The following ADGRG2 variants were observed in gnomAD, a reference collection of about 807,000 sequenced individuals.
ADGRG2 encodes G protein-coupled receptor 64.
In ADGRG2, 26 loss-of-function variants were observed where a neutral mutation model predicts 74.1. The ratio of observed to expected loss-of-function variants is 0.35; its 90% CI spans 0.26 to 0.49. The LOEUF is 0.49. Ranked by LOEUF, ADGRG2 falls within the 20% of genes least tolerant of loss-of-function variation. ADGRG2 has a pLI of 0.99. For synonymous variants in ADGRG2, 296 were observed against 295.2 expected, an observed-to-expected ratio of 1.00 and a Z score of -0.03; for missense variants, 619 against 763.1, an observed-to-expected ratio of 0.81 and a Z score of 2.22.
chrX:19,105,927 C>CAAAAAAAAAA (rs748026875), intron 1 of ADGRG2, among the ~76,000 whole-genome samples: 4 of 29,983 alleles, frequency 1.3e-4, no homozygotes, highest in African/African-American at 3.8e-4. Context: ...GACTCTGTCT[C>CAAAAAAAAAA]AAAAAAAAAA....
Position 19,004,873 on chromosome X carries a change from A to T in ADGRG2, c.1846T>A (p.Ser616Thr). The T allele has an allele frequency of 8.5e-7, 1 of 1,181,565 alleles. No individual in the cohort carries two copies. The highest frequency in any genetic ancestry group is 3.0e-5 in the East Asian group (1 of 33,664). ...TGAGCAGGCAGCACAGATGTCCTAG[A>T]TAGGTCCTGGAAAATGAAATATTGC... is the stretch of plus-strand genomic sequence containing the variant. The part of the protein sequence containing the change: ...LTSFGVLLDL[S>T]RTSVLPAQMM... The change falls in exon 23 of 29, where the codon TCT becomes ACT. Residue 616 changes from serine to threonine, a missense_variant. Physicochemically the swap from Ser to Thr is moderately conservative, Grantham distance 58. Coordinates refer to ENST00000379869, the MANE Select transcript of ADGRG2 (RefSeq NM_001079858.3).
chrX:19,011,663 G>A lies in ADGRG2; in HGVS notation c.1100-885C>T, dbSNP rs778803519. On this transcript the variant is annotated intron_variant, in intron 16 of 28. Coordinates refer to ENST00000379869, the MANE Select transcript of ADGRG2 (RefSeq NM_001079858.3). Reference sequence around the variant, plus strand: ...TCTAGACCAGCCTGGCCAACATGGGGGAACCCTGTCTCTACTAAAAATATT... The same window carrying A: ...TCTAGACCAGCCTGGCCAACATGGGAGAACCCTGTCTCTACTAAAAATATT... 6.3e-5 allele frequency among the ~76,000 whole-genome samples: 7 copies of A among 111,509 alleles called. No homozygotes were observed. The South Asian group carries it at 2.6e-3, about 42-fold the overall frequency.
At chrX:19,080,775 A>C (rs1376321986) in intron 2 of ADGRG2, among the ~76,000 whole-genome samples, 3 of 109,980 alleles carry the variant, frequency 2.7e-5, no homozygotes, top group Non-Finnish European at 5.7e-5. Context: ...GGCTTGCTGC[A>C]ACCTCCACCT....
chrX:18,990,531 T>C lies in ADGRG2; in HGVS notation c.*333A>G, dbSNP rs1324541829. 1 of 135,321 alleles carries C rather than the reference T, an allele frequency of 7.4e-6. No homozygotes were observed. The allele number at this position is 135,321 out of a possible 1,213,427, so 11.2% of individuals were successfully genotyped here. The stretch of plus-strand genomic sequence containing the variant: ...TGAAGTCAACAGTTGCTTTATATGA[T>C]GTTATCAAAGATAACTTAGCCTCTT... On this transcript the variant is annotated 3_prime_UTR_variant, in exon 29 of 29. Transcript: ENST00000379869.
chrX:19,031,298 C>T (rs1039519167), intron 8 of ADGRG2: 2 of 347,068 alleles, frequency 5.8e-6, no homozygotes, highest in Non-Finnish European at 1.0e-5. Flanking sequence ...AAATTTTTGA[C>T]CCCTTCCCAA....
intron 14 of ADGRG2, 74 bp from the exon 15 acceptor site, chrX:19,019,739 A>G: frequency 1.8e-6 from 1 of 554,419 alleles, no homozygotes; most frequent in South Asian, 2.7e-5. Context: ...GCTCAGAACC[A>G]TTAAGTATCA....
chrX:19,035,914 A>G (rs765048721), intron 7 of ADGRG2, 28 bp downstream of exon 7: 33 of 841,088 alleles, frequency 3.9e-5, no homozygotes, highest in Non-Finnish European at 3.8e-5. Flanking sequence ...AGAAGAAGCT[A>G]TTACATTTAG....
intron 6 of ADGRG2, chrX:19,036,296 T>C (rs2060939287): frequency 1.3e-5 from 2 of 148,287 alleles, no homozygotes; most frequent in Admixed American, 8.1e-5. Context: ...TTTTCTCTAT[T>C]ATAATGAACG....
chrX:19,028,983 T>A (rs1189492419), intron 9 of ADGRG2, among the ~76,000 whole-genome samples: 2 of 112,148 alleles, frequency 1.8e-5, no homozygotes, highest in African/African-American at 6.5e-5. Context: ...AGGCATGGGC[T>A]GTGTTCCAAT....
At chrX:19,073,843 G>T (rs2061691006) in intron 2 of ADGRG2, among the ~76,000 whole-genome samples, 2 of 111,585 alleles carry the variant, frequency 1.8e-5, no homozygotes, top group South Asian at 7.5e-4. Flanking sequence ...TATGATAATT[G>T]TTCCCTAAGT....
intron 3 of ADGRG2, among the ~76,000 whole-genome samples, chrX:19,044,714 C>T (rs193010264): frequency 4.5e-5 from 5 of 111,329 alleles, no homozygotes; most frequent in African/African-American, 1.3e-4. Flanking sequence ...CCTGACTCCT[C>T]CCCATCCCCA....
chrX:19,068,629 A>G, intron 3 of ADGRG2, 88 bp downstream of exon 3: 1 of 460,329 alleles, frequency 2.2e-6, no homozygotes, highest in East Asian at 3.6e-5. Context: ...ATGTTATTTT[A>G]CCACAGTAAA....
intron 2 of ADGRG2, among the ~76,000 whole-genome samples, chrX:19,079,656 C>T (rs767742923): frequency 3.6e-5 from 4 of 112,292 alleles, no homozygotes; most frequent in African/African-American, 6.5e-5. Context: ...AATGCTGAGC[C>T]ATATGGCATC....
intron 2 of ADGRG2, among the ~76,000 whole-genome samples, chrX:19,077,334 T>TAAAAAA (rs34976230): frequency 2.6e-5 from 1 of 38,611 alleles, no homozygotes; most frequent in Non-Finnish European, 4.2e-5. Flanking sequence ...CTGTCTCTAC[T>TAAAAAA]AAAAAAAAAA....
chrX:19,104,949 C>T (rs1033776128), intron 1 of ADGRG2, among the ~76,000 whole-genome samples: 5 of 104,396 alleles, frequency 4.8e-5, no homozygotes, highest in Non-Finnish European at 7.8e-5. Flanking sequence ...AAAGTAACTC[C>T]AAGGCTGGGC....
chrX:19,089,489 CCTAT>C (rs764015750), intron 1 of ADGRG2, among the ~76,000 whole-genome samples: 23 of 111,690 alleles, frequency 2.1e-4, no homozygotes, highest in Admixed American at 1.8e-3. Flanking sequence ...TTCTAGTTTG[CCTAT>C]CTATTTTGCC....
intron 1 of ADGRG2, among the ~76,000 whole-genome samples, chrX:19,089,784 T>G (rs1011203985): frequency 9.0e-6 from 1 of 111,723 alleles, no homozygotes; most frequent in Non-Finnish European, 1.9e-5. Flanking sequence ...TCTGGTAGAC[T>G]GGCAGGTGAC....
At chrX:19,102,860 T>G (rs113106101) in intron 1 of ADGRG2, among the ~76,000 whole-genome samples, 9,279 of 111,039 alleles carry the variant, frequency 0.084, 593 homozygotes, top group African/African-American at 0.22. Context: ...GATCTTGGAC[T>G]TCTCGGCCTC....
chrX:19,024,244 T>C (rs2146653130), intron 11 of ADGRG2, among the ~76,000 whole-genome samples: 1 of 111,867 alleles, frequency 8.9e-6, no homozygotes, highest in Admixed American at 9.5e-5. Flanking sequence ...CAGCTTCTTC[T>C]GGCAGAGGGT....
Sources: gnomAD v4.1 joint callset for allele counts (sites outside exome capture counted in the v4.1 genomes callset) on GRCh38, gnomAD v4.1.1 for gene constraint, MANE v1.5 for transcripts, NCBI Gene and HGNC (gene_info 2026-07-23, HGNC 2026-07-21) for gene names.